Variants in MAGI2 observed in about 807,000 individuals in gnomAD.
MAGI2 encodes the protein membrane associated guanylate kinase, WW and PDZ domain containing 2, also known as membrane-associated guanylate kinase, WW and PDZ domain-containing protein 2.
Under a neutral mutation model 133.3 loss-of-function variants are expected in MAGI2, and 35 were observed. The ratio of observed to expected loss-of-function variants is 0.26; its 90% CI spans 0.20 to 0.35. The LOEUF (loss-of-function observed/expected upper bound fraction) is 0.35, where lower values mean the gene tolerates loss of function less well. Ranked by LOEUF, MAGI2 falls within the 10% of genes least tolerant of loss-of-function variation. The pLI is 1.00. For missense variants in MAGI2, 1,636 were observed against 1,863.4 expected, an observed-to-expected ratio of 0.88 and a Z score of 2.25; for synonymous variants, 729 against 710.6, an observed-to-expected ratio of 1.03 and a Z score of -0.41.
intron 1 of MAGI2, among the ~76,000 whole-genome samples, chr7:79,378,074 A>G (rs1843500927): frequency 6.6e-6 from 1 of 151,774 alleles, no homozygotes; most frequent in Admixed American, 6.6e-5. Context: ...TAAGTTCTCA[A>G]ATTTTGGGGG....
chr7:78,648,874 A>C (rs905549629), intron 2 of MAGI2, among the ~76,000 whole-genome samples: 5 of 151,978 alleles, frequency 3.3e-5, no homozygotes, highest in Admixed American at 6.6e-5. Context: ...TATAGTTTTA[A>C]CTCTGCTGAT....
Position 78,885,628 on chromosome 7 carries a change from A to AGTGTGTGTGTGTGTGTGT in MAGI2, c.418+121444_418+121461dup, listed in dbSNP as rs61111430. On this transcript the variant is annotated intron_variant, in intron 2 of 21. Transcript: ENST00000354212. ...CTGAGCATCCTTTATTGAAAGGAAT[A>AGTGTGTGTGTGTGTGTGT]GTGTGTGTGTGTGTGTGTGTGTGTG... Among the ~76,000 whole-genome samples, 1,024 of 148,952 alleles carry AGTGTGTGTGTGTGTGTGT rather than the reference A, an allele frequency of 6.9e-3. 7 individuals carry two copies. Among genetic ancestry groups the AGTGTGTGTGTGTGTGTGT allele is most frequent in the Non-Finnish European group, 0.012 (792 of 67,318 alleles).
intron 2 of MAGI2, among the ~76,000 whole-genome samples, chr7:78,809,732 G>T (rs1384104751): frequency 2.6e-5 from 4 of 152,002 alleles, no homozygotes; most frequent in Admixed American, 6.6e-5. Context: ...TATATTGATG[G>T]TTTTTTTAAA....
intron 3 of MAGI2, among the ~76,000 whole-genome samples, chr7:78,603,103 C>A (rs571065468): frequency 2.4e-4 from 35 of 143,360 alleles, no homozygotes; most frequent in African/African-American, 9.4e-4. Flanking sequence ...TCATCAAAGA[C>A]CTCTTGTATT....
chr7:78,129,697 C>A (rs1821352476), intron 18 of MAGI2, among the ~76,000 whole-genome samples: 2 of 152,240 alleles, frequency 1.3e-5, no homozygotes, highest in African/African-American at 2.4e-5. Context: ...GTAATCCCAG[C>A]ACTTTGGGAG....
At chr7:79,284,141 G>C (rs550946247) in intron 1 of MAGI2, among the ~76,000 whole-genome samples, 1 of 152,118 alleles carries the variant, frequency 6.6e-6, no homozygotes, top group African/African-American at 2.4e-5. Context: ...TTTTCAGAAC[G>C]AATCCTGTCC....
At chr7:78,928,109 C>T (rs955712723) in intron 2 of MAGI2, among the ~76,000 whole-genome samples, 2 of 152,010 alleles carry the variant, frequency 1.3e-5, no homozygotes, top group African/African-American at 4.8e-5. Context: ...TTTATTTCCA[C>T]TTATTAATAA....
At chr7:79,432,559 C>A (rs1270768551) in intron 1 of MAGI2, among the ~76,000 whole-genome samples, 1 of 152,214 alleles carries the variant, frequency 6.6e-6, no homozygotes, top group Non-Finnish European at 1.5e-5. Context: ...ATTTCCACTA[C>A]ATGGTAGGTC....
chr7:78,958,931 TTC>T (rs1483832102), intron 2 of MAGI2, among the ~76,000 whole-genome samples: 5 of 152,328 alleles, frequency 3.3e-5, no homozygotes, highest in African/African-American at 1.2e-4. Flanking sequence ...TGATGTTTAC[TTC>T]TCTTTTACAC....
intron 9 of MAGI2, among the ~76,000 whole-genome samples, chr7:78,292,109 A>G (rs1279220361): frequency 6.6e-6 from 1 of 152,212 alleles, no homozygotes; most frequent in Non-Finnish European, 1.5e-5. Flanking sequence ...AAAGAAATAC[A>G]GGGTATTCAA....
chr7:78,945,809 C>T (rs944225772), intron 2 of MAGI2, among the ~76,000 whole-genome samples: 1 of 152,200 alleles, frequency 6.6e-6, no homozygotes, highest in Non-Finnish European at 1.5e-5. Flanking sequence ...TACTCCTTGG[C>T]TCACTTAATA....
chr7:78,889,585 A>T (rs1224577270), intron 2 of MAGI2, among the ~76,000 whole-genome samples: 1 of 152,246 alleles, frequency 6.6e-6, no homozygotes, highest in Non-Finnish European at 1.5e-5. Context: ...AACATTCTTA[A>T]AGAAAAGAAT....
At chr7:79,192,284 ATC>A (rs1340345575) in intron 1 of MAGI2, among the ~76,000 whole-genome samples, 5 of 151,862 alleles carry the variant, frequency 3.3e-5, no homozygotes, top group African/African-American at 9.7e-5. Flanking sequence ...TAGAATTTTT[ATC>A]TGTTTTGTTC....
chr7:79,090,441 T>C (rs564703069), intron 1 of MAGI2, among the ~76,000 whole-genome samples: 1 of 152,264 alleles, frequency 6.6e-6, no homozygotes, highest in Non-Finnish European at 1.5e-5. Flanking sequence ...TCCTGAGGAA[T>C]GTCATATAGT....
chr7:79,117,601 G>C (rs1458261883), intron 1 of MAGI2, among the ~76,000 whole-genome samples: 1 of 152,086 alleles, frequency 6.6e-6, no homozygotes, highest in African/African-American at 2.4e-5. Context: ...GCTAGAAACA[G>C]CATCTTTCCC....
intron 3 of MAGI2, among the ~76,000 whole-genome samples, chr7:78,568,558 A>G (rs1801179561): frequency 6.6e-6 from 1 of 151,970 alleles, no homozygotes; most frequent in African/African-American, 2.4e-5. Flanking sequence ...ATCCGGTTTT[A>G]TTAGTAATTC....
At chr7:79,003,896 A>G (rs868583201) in intron 2 of MAGI2, among the ~76,000 whole-genome samples, 1 of 152,188 alleles carries the variant, frequency 6.6e-6, no homozygotes, top group Non-Finnish European at 1.5e-5. Context: ...CAAAACCACA[A>G]TGAGATATCA....
At chr7:78,191,493 A>G (rs1828206612) in intron 12 of MAGI2, among the ~76,000 whole-genome samples, 1 of 152,186 alleles carries the variant, frequency 6.6e-6, no homozygotes, top group African/African-American at 2.4e-5. Flanking sequence ...GTAAGCTTCT[A>G]ATGAGCAGAG....
At chr7:79,177,153 T>A (rs1826173076) in intron 1 of MAGI2, 1 of 151,972 alleles carries the variant, frequency 6.6e-6, no homozygotes, top group Admixed American at 6.6e-5. Context: ...AATAGAAAAA[T>A]AGACTAAACA....
Sources: gnomAD v4.1 joint callset for allele counts (sites outside exome capture counted in the v4.1 genomes callset) on GRCh38, gnomAD v4.1.1 for gene constraint, MANE v1.5 for transcripts, NCBI Gene and HGNC (gene_info 2026-07-23, HGNC 2026-07-21) for gene names.